The following LAT2 variants were observed in gnomAD, a reference collection of about 807,000 sequenced individuals.
LAT2 encodes the protein linker for activation of T cells family member 2, also known as linker for activation of T-cells family member 2.
LAT2 carries 23 observed loss-of-function variants against 43.4 expected under a neutral mutation model. The ratio of observed to expected loss-of-function variants is 0.53; its 90% confidence interval spans 0.38 to 0.75. The LOEUF is 0.75. LAT2 is among the 30% of genes least tolerant of loss of function. The probability of loss-of-function intolerance (pLI) is 0.00; values close to 1 mark genes in which losing one functional copy is unlikely to be tolerated. For missense variants in LAT2, 284 were observed against 310.2 expected (o/e 0.92, Z 0.64); for synonymous variants, 128 against 123.2 (o/e 1.04, Z -0.26).
intron 1 of LAT2, among the ~76,000 whole-genome samples, chr7:74,213,079 AAGGCAGGAGGT>A (rs1801785136): frequency 6.6e-6 from 1 of 152,138 alleles, no homozygotes; most frequent in Non-Finnish European, 1.5e-5. Flanking sequence ...GGGGGATCCC[AAGGCAGGAGGT>A]AGGCAGCCTG....
chr7:74,225,034 C>T (rs1802436360), intron 13 of LAT2: 2 of 280,142 alleles, frequency 7.1e-6, no homozygotes, highest in Non-Finnish European at 1.4e-5. Context: ...CTGGCTGCGA[C>T]CTTGGACCAA....
chr7:74,221,798 C>G, intron 10 of LAT2, 106 bp downstream of exon 10: 1 of 809,286 alleles, frequency 1.2e-6, no homozygotes, highest in Middle Eastern at 2.7e-4. Flanking sequence ...TCGGGTAAAT[C>G]GGCAGAGCCG....
In LAT2 at chr7:74,216,023, G is replaced by C. The variant is rs1554714217; in HGVS notation, c.48G>C (p.Val16=). 2 of 1,613,760 alleles carry C rather than the reference G, an allele frequency of 1.2e-6. No homozygotes were observed. The highest frequency in any genetic ancestry group is 4.5e-5 in the East Asian group (2 of 44,878). ...ELLWPGAALL[V]LLGVAASLCV... ...TGTGGCCCGGAGCAGCGCTGCTGGT[G>C]CTGTTGGGGGTGGCAGCCAGTCTGT... Residue 16 remains valine (V), a synonymous_variant, in exon 3 of 14, where the codon GTG becomes GTC. Coordinates refer to ENST00000460943, the MANE Select transcript of LAT2 (RefSeq NM_032464.3).
Position 74,223,727 on chromosome 7 carries a change from A to T in LAT2, c.392A>T (p.Asp131Val), listed in dbSNP as rs1554715636. 9 of 1,613,796 alleles carry T rather than the reference A, an allele frequency of 5.6e-6. No individual in the cohort carries two copies. The highest frequency in any genetic ancestry group is 1.3e-5 in the African/African-American group (1 of 74,892). The change falls in exon 11 of 14, where the codon GAT (aspartate) becomes GTT (valine). Residue 131 changes from aspartate (D) to valine (V), a missense_variant. Coordinates refer to ENST00000460943, the MANE Select transcript of LAT2 (RefSeq NM_032464.3). ...WGRFSKPPED[D>V]DANSYENVLI... ...CCCACTCCTCTCTCTCCTGCAGATG[A>T]TGATGCCAATTCCTACGAGAATGTG...
intron 1 of LAT2, among the ~76,000 whole-genome samples, chr7:74,211,346 G>A (rs1428446294): frequency 2.6e-5 from 4 of 152,150 alleles, no homozygotes; most frequent in Admixed American, 6.6e-5. Context: ...GCGTGATCTC[G>A]GCTCACTGCA....
intron 1 of LAT2, among the ~76,000 whole-genome samples, chr7:74,210,808 T>A (rs112487660): frequency 0.041 from 6,279 of 151,880 alleles, 418 homozygotes; most frequent in African/African-American, 0.14. Flanking sequence ...TAAAAAAATA[T>A]AATTAAAAAC....
Position 74,220,635 on chromosome 7 carries a change from G to A in LAT2, c.301+16G>A. The A allele has an allele frequency of 6.2e-7, 1 of 1,614,034 alleles. No individual in the cohort carries two copies. The highest frequency in any genetic ancestry group is 8.5e-7 in the Non-Finnish European group (1 of 1,179,974). On this transcript the variant is annotated intron_variant, in intron 8 of 13. Coordinates refer to ENST00000460943, the MANE Select transcript of LAT2 (RefSeq NM_032464.3). This position sits in a 1 kb window ranked among gnomAD's most constrained non-coding sequence, Gnocchi z 4.5. ...TTCAGCAAAGGTAGGTAGGCTCCTGGAGAAAGGGGGAGGCCATGGTGGGGG... is the reference window on the plus strand; with the variant it reads ...TTCAGCAAAGGTAGGTAGGCTCCTGAAGAAAGGGGGAGGCCATGGTGGGGG...
chr7:74,224,026 C>G lies in LAT2; in HGVS notation c.457C>G (p.Gln153Glu). 1 of 1,613,820 alleles carries G rather than the reference C, an allele frequency of 6.2e-7. No homozygotes were observed. The highest frequency in any genetic ancestry group is 1.1e-5 in the South Asian group (1 of 91,052). The stretch of plus-strand genomic sequence containing the variant: ...ATTCTCCCTCTCTGCAGGTGCCCAG[C>G]AGGAGGGCATAGGTGGCCTCTGCAG... ...KQKTTETGAQ[Q>E]EGIGGLCRGD... The change falls in exon 12 of 14, where the codon CAG (glutamine) becomes GAG (glutamate). Residue 153 changes from glutamine to glutamate, a missense_variant. Coordinates refer to ENST00000460943, the MANE Select transcript of LAT2 (RefSeq NM_032464.3).
At chr7:74,222,306 CAGG>C (rs1343912862) in intron 10 of LAT2, among the ~76,000 whole-genome samples, 3 of 149,380 alleles carry the variant, frequency 2.0e-5, no homozygotes, top group African/African-American at 7.4e-5. Flanking sequence ...GAGGCTGAGA[CAGG>C]AGAATTGCTT....
intron 1 of LAT2, among the ~76,000 whole-genome samples, chr7:74,213,972 G>A (rs1192143782): frequency 2.0e-5 from 3 of 147,546 alleles, no homozygotes; most frequent in African/African-American, 5.0e-5. Context: ...TTTTTGAAAC[G>A]GAGTCTCACT....
rs782461518 is a variant in LAT2 at position 74,220,206 on chromosome 7, C to G, written c.228-11C>G. 17 of 1,604,834 alleles carry G rather than the reference C, an allele frequency of 1.1e-5. No individual in the cohort carries two copies. Among genetic ancestry groups the G allele is most frequent in the Non-Finnish European group, 1.3e-5 (15 of 1,174,690 alleles). On this transcript the variant is annotated splice_polypyrimidine_tract_variant and intron_variant, in intron 6 of 13. Transcript: ENST00000460943. This position sits in a 1 kb window ranked among gnomAD's most constrained non-coding sequence, Gnocchi z 4.5. The stretch of plus-strand genomic sequence containing the variant: ...CCCCTCCTTTAACTCCCTCCTTCCC[C>G]CTCCCTGCAGGAAGGACAAGCTGTT...
At chr7:74,217,670 G>A (rs1802092956) in intron 4 of LAT2, among the ~76,000 whole-genome samples, 1 of 152,166 alleles carries the variant, frequency 6.6e-6, no homozygotes, top group Non-Finnish European at 1.5e-5. Flanking sequence ...CTGTGAGAAA[G>A]ACCCAGGGAA....
chr7:74,227,844 G>A (rs1802545881), intron 13 of LAT2, among the ~76,000 whole-genome samples: 1 of 152,058 alleles, frequency 6.6e-6, no homozygotes. Context: ...CTGCACTCCA[G>A]CCTGGGCCAC....
chr7:74,220,078 C>T lies in LAT2; in HGVS notation c.227+70C>T. 1 of 1,579,514 alleles carries T rather than the reference C, an allele frequency of 6.3e-7. No homozygotes were observed. The highest frequency in any genetic ancestry group is 1.1e-5 in the South Asian group (1 of 88,696). On this transcript the variant is annotated intron_variant, in intron 6 of 13. Transcript: ENST00000460943. This position sits in a 1 kb window ranked among gnomAD's most constrained non-coding sequence, Gnocchi z 4.5. Reference sequence around the variant, plus strand: ...AGGTCCTCACCTGGTGAGCCCAGGTCAAGACCTCCCTCCCTCCCCGAGTCC... The same window carrying T: ...AGGTCCTCACCTGGTGAGCCCAGGTTAAGACCTCCCTCCCTCCCCGAGTCC...
intron 1 of LAT2, among the ~76,000 whole-genome samples, chr7:74,212,926 A>T (rs1801778685): frequency 1.3e-5 from 2 of 152,048 alleles, no homozygotes; most frequent in Admixed American, 1.3e-4. Flanking sequence ...CTTCTCTGTG[A>T]TGCGCCTCTT....
At chr7:74,210,599 G>A (rs962326215) in intron 1 of LAT2, among the ~76,000 whole-genome samples, 64 of 151,958 alleles carry the variant, frequency 4.2e-4, no homozygotes, top group African/African-American at 1.1e-3. Context: ...GCACCCGCCC[G>A]CCTCCCTCTC....
intron 13 of LAT2, chr7:74,225,694 C>A (rs1019757529): frequency 3.9e-5 from 6 of 152,312 alleles, no homozygotes; most frequent in African/African-American, 1.4e-4. Context: ...GCTGGGTCTA[C>A]TGCTTGGGAA....
chr7:74,223,636 C>A, intron 10 of LAT2, 88 bp from the exon 11 acceptor site: 1 of 1,309,058 alleles, frequency 7.6e-7, no homozygotes, highest in Non-Finnish European at 1.1e-6. Flanking sequence ...AGGTCCCCTG[C>A]AAAGGGAAGG....
intron 1 of LAT2, among the ~76,000 whole-genome samples, chr7:74,213,201 C>T (rs891769342): frequency 6.6e-6 from 1 of 152,000 alleles, no homozygotes; most frequent in Non-Finnish European, 1.5e-5. Context: ...TCACTGCAAC[C>T]TCCACCTCCT....
Sources: allele counts gnomAD v4.1 joint callset (sites outside exome capture counted in the v4.1 genomes callset), GRCh38; gene constraint gnomAD v4.1.1; non-coding constraint Gnocchi (gnomAD v3.1); transcripts MANE v1.5; gene names NCBI Gene and HGNC (gene_info 2026-07-23, HGNC 2026-07-21).